The following SUPT3H variants were observed in gnomAD, a reference collection of about 807,000 sequenced individuals.
SUPT3H encodes transcription initiation protein SPT3 homolog.
A neutral mutation model predicts 44.3 loss-of-function variants in SUPT3H; 44 were observed. That is an observed-to-expected ratio of 0.99 (90% CI 0.78 to 1.28). The LOEUF (loss-of-function observed/expected upper bound fraction) is 1.28, where lower values mean the gene tolerates loss of function less well. Among genes scored for constraint, SUPT3H ranks in the 50% most tolerant of loss-of-function variants. SUPT3H has a pLI of 0.00. For synonymous variants in SUPT3H, 124 were observed against 125.6 expected, an observed-to-expected ratio of 0.99 and a Z score of 0.09; for missense variants, 380 against 387.1, an observed-to-expected ratio of 0.98 and a Z score of 0.15.
At chr6:45,106,202 C>T (rs187986612) in intron 2 of SUPT3H, among the ~76,000 whole-genome samples, 196 bp from the exon 3 acceptor site, 2 of 152,202 alleles carry the variant, frequency 1.3e-5, no homozygotes, top group Non-Finnish European at 2.9e-5. Flanking sequence ...GAGGCCGGAG[C>T]GGGAGGATCA....
chr6:45,184,011 G>A (rs955993026), intron 2 of SUPT3H, among the ~76,000 whole-genome samples: 8 of 152,220 alleles, frequency 5.3e-5, no homozygotes, highest in Non-Finnish European at 8.8e-5. Context: ...CTGTAATGGT[G>A]CATACATGTC....
chr6:45,044,553 C>A (rs968247921), intron 3 of SUPT3H, among the ~76,000 whole-genome samples: 1 of 152,068 alleles, frequency 6.6e-6, no homozygotes, highest in Non-Finnish European at 1.5e-5. Context: ...AAGAGACAGT[C>A]AATATATTAC....
At chr6:45,281,332 C>T (rs975105938) in intron 2 of SUPT3H, among the ~76,000 whole-genome samples, 4 of 152,224 alleles carry the variant, frequency 2.6e-5, no homozygotes, top group African/African-American at 9.6e-5. Flanking sequence ...CAGGGAATTC[C>T]ATTTCCTAGT....
chr6:45,184,835 G>A (rs1341348019), intron 2 of SUPT3H, among the ~76,000 whole-genome samples: 1 of 143,354 alleles, frequency 7.0e-6, no homozygotes, highest in East Asian at 2.0e-4. Context: ...AACTAGCAAA[G>A]CAATGATCAT....
At chr6:44,994,520 C>T (rs1237812468) in intron 6 of SUPT3H, among the ~76,000 whole-genome samples, 4 of 152,100 alleles carry the variant, frequency 2.6e-5, no homozygotes, top group Non-Finnish European at 5.9e-5. Flanking sequence ...CAGGGTTTTG[C>T]TGAAGTCTGA....
intron 3 of SUPT3H, among the ~76,000 whole-genome samples, chr6:45,058,375 T>C (rs1791464466): frequency 1.3e-5 from 2 of 152,154 alleles, no homozygotes; most frequent in South Asian, 4.1e-4. Flanking sequence ...TTATATTCAC[T>C]ATTTAAACTC....
downstream of SUPT3H, among the ~76,000 whole-genome samples, chr6:44,826,088 C>T (rs1408685740): frequency 6.6e-6 from 1 of 152,096 alleles, no homozygotes; most frequent in Non-Finnish European, 1.5e-5. Flanking sequence ...TATCAGTATC[C>T]GACTTACAAC....
At chr6:45,108,887 G>A (rs541745178) in intron 2 of SUPT3H, among the ~76,000 whole-genome samples, 77 of 151,914 alleles carry the variant, frequency 5.1e-4, no homozygotes, top group African/African-American at 1.7e-3. Flanking sequence ...AAAACTACAC[G>A]GTCCTTATAT....
intron 10 of SUPT3H, among the ~76,000 whole-genome samples, chr6:44,923,978 C>T (rs1233553020): frequency 6.6e-6 from 1 of 152,060 alleles, no homozygotes; most frequent in African/African-American, 2.4e-5. Flanking sequence ...TCTCAAACTT[C>T]AATAAATATT....
At chr6:44,944,781 A>AAAAAAAAAAAAAAAAAAAAAAAAAT (rs1185186363) in intron 9 of SUPT3H, among the ~76,000 whole-genome samples, 1 of 136,956 alleles carries the variant, frequency 7.3e-6, no homozygotes, top group African/African-American at 2.6e-5. Context: ...AAAAAAAAAA[A>AAAAAAAAAAAAAAAAAAAAAAAAAT]AAAAGAAAAG....
intron 10 of SUPT3H, among the ~76,000 whole-genome samples, chr6:44,877,957 C>G (rs780950891): frequency 4.6e-5 from 7 of 152,088 alleles, no homozygotes; most frequent in African/African-American, 7.2e-5. Flanking sequence ...TTTGTAAATT[C>G]CTTAGTATGT....
At chr6:45,099,354 A>G (rs1008849137) in intron 3 of SUPT3H, 2 of 137,448 alleles carry the variant, frequency 1.5e-5, no homozygotes, top group Admixed American at 1.4e-4. Flanking sequence ...TTTTTCTTAA[A>G]AAAAAAAAAA....
intron 10 of SUPT3H, among the ~76,000 whole-genome samples, chr6:44,891,025 T>G (rs1763229322): frequency 6.6e-6 from 1 of 151,974 alleles, no homozygotes; most frequent in Non-Finnish European, 1.5e-5. Flanking sequence ...AAATACCTAA[T>G]GTAGATGACG....
intron 10 of SUPT3H, among the ~76,000 whole-genome samples, chr6:44,832,430 A>G (rs1768980781): frequency 6.6e-6 from 1 of 152,124 alleles, no homozygotes; most frequent in Non-Finnish European, 1.5e-5. Flanking sequence ...TTGACCAGAA[A>G]GAGTCAGGAC....
intron 3 of SUPT3H, among the ~76,000 whole-genome samples, chr6:45,062,931 A>G (rs1214084741): frequency 6.6e-6 from 1 of 151,876 alleles, no homozygotes; most frequent in Non-Finnish European, 1.5e-5. Context: ...CAAAGCAGAA[A>G]GGAAACTCGA....
chr6:44,866,725 G>A (rs762695780), intron 10 of SUPT3H, among the ~76,000 whole-genome samples: 4 of 152,108 alleles, frequency 2.6e-5, no homozygotes, highest in Non-Finnish European at 5.9e-5. Flanking sequence ...CCTAGAGAAA[G>A]CTCTGACTAT....
chr6:44,933,472 C>T (rs1770917878), intron 9 of SUPT3H, among the ~76,000 whole-genome samples: 1 of 152,030 alleles, frequency 6.6e-6, no homozygotes, highest in South Asian at 2.1e-4. Context: ...ACTTATAGGG[C>T]TAGGGTTTAG....
At chr6:44,889,591 C>A (rs1002221317) in intron 10 of SUPT3H, among the ~76,000 whole-genome samples, 6 of 152,162 alleles carry the variant, frequency 3.9e-5, no homozygotes, top group South Asian at 2.1e-4. Flanking sequence ...GCCTTCCTTA[C>A]GCCTTATACA....
At chr6:45,243,670 AAG>A (rs1770810380) in intron 2 of SUPT3H, among the ~76,000 whole-genome samples, 1 of 152,182 alleles carries the variant, frequency 6.6e-6, no homozygotes, top group Non-Finnish European at 1.5e-5. Flanking sequence ...AACTCCTTGA[AAG>A]ACACTACCAA....
Sources: allele counts gnomAD v4.1 joint callset (sites outside exome capture counted in the v4.1 genomes callset), GRCh38; gene constraint gnomAD v4.1.1; transcripts MANE v1.5; gene names NCBI Gene and HGNC (gene_info 2026-07-23, HGNC 2026-07-21).